Variants in PARN observed in about 807,000 individuals in gnomAD.
PARN encodes poly(A)-specific ribonuclease, also known as poly(A)-specific ribonuclease PARN.
A neutral mutation model predicts 102.8 loss-of-function variants in PARN; 71 were observed. That is an observed-to-expected ratio of 0.69 (90% confidence interval 0.57 to 0.84). The LOEUF is 0.84. PARN is among the 40% of genes least tolerant of loss of function. PARN has a pLI of 0.00. For synonymous variants in PARN, 261 were observed against 252.9 expected (o/e 1.03, Z -0.30); for missense variants, 782 against 760.9 (o/e 1.03, Z -0.33).
intron 12 of PARN, among the ~76,000 whole-genome samples, chr16:14,596,723 G>A (rs781133703): frequency 3.2e-4 from 49 of 151,976 alleles, no homozygotes; most frequent in Non-Finnish European, 4.3e-4. Context: ...GGAACAGACA[G>A]AGACTGTGTC....
intron 22 of PARN, among the ~76,000 whole-genome samples, chr16:14,469,895 A>G (rs1361459442): frequency 6.6e-6 from 1 of 152,228 alleles, no homozygotes; most frequent in Admixed American, 6.5e-5. Flanking sequence ...GGTAACAGAC[A>G]TGGAAAAAAT....
At chr16:14,536,141 AT>A (rs34575074) in intron 21 of PARN, among the ~76,000 whole-genome samples, 6 of 152,358 alleles carry the variant, frequency 3.9e-5, no homozygotes, top group African/African-American at 1.4e-4. Context: ...TATTGGTAAC[AT>A]TTTTAGTTAC....
At chr16:14,569,006 G>A (rs1025983862) in intron 18 of PARN, among the ~76,000 whole-genome samples, 51 of 151,982 alleles carry the variant, frequency 3.4e-4, no homozygotes, top group African/African-American at 1.2e-3. Flanking sequence ...GAGGCCAAGA[G>A]TTCGAGACCA....
chr16:14,553,865 G>C (rs1252437297), intron 20 of PARN, among the ~76,000 whole-genome samples, 200 bp downstream of exon 20: 1 of 152,190 alleles, frequency 6.6e-6, no homozygotes, highest in African/African-American at 2.4e-5. Context: ...GCTCTGTATT[G>C]TGAGGTGCTA....
At chr16:14,446,361 C>T (rs892122374) in intron 23 of PARN, among the ~76,000 whole-genome samples, 8 of 152,174 alleles carry the variant, frequency 5.3e-5, no homozygotes, top group African/African-American at 1.9e-4. Flanking sequence ...CTCAGGGCTA[C>T]GGTGAAAATT....
At chr16:14,514,397 A>G (rs897548143) in intron 21 of PARN, among the ~76,000 whole-genome samples, 23 of 152,090 alleles carry the variant, frequency 1.5e-4, no homozygotes, top group Non-Finnish European at 3.1e-4. Context: ...CGTGTTAGCC[A>G]GGATGATCTC....
intron 18 of PARN, among the ~76,000 whole-genome samples, chr16:14,568,862 T>C: frequency 6.6e-6 from 1 of 151,842 alleles, no homozygotes. Flanking sequence ...GCCATTGCAC[T>C]CTAGCCTGGC....
chr16:14,480,797 C>T (rs112109505), intron 22 of PARN, among the ~76,000 whole-genome samples: 9 of 151,984 alleles, frequency 5.9e-5, no homozygotes, highest in African/African-American at 1.5e-4. Context: ...AAAAATTAAC[C>T]GGGTGTGGTG....
In PARN at chr16:14,575,057, C is replaced by T. The variant is rs577218947; in HGVS notation, c.1262+5817G>A. On this transcript the variant is annotated intron_variant, in intron 18 of 23. Transcript: ENST00000437198. Reference sequence around the variant, plus strand: ...GAAGTCAAGAATTGAGGTTTGGGGACCTCTACCTAGATTTCAGAAGATGTA... The same window carrying T: ...GAAGTCAAGAATTGAGGTTTGGGGATCTCTACCTAGATTTCAGAAGATGTA... Among the ~76,000 whole-genome samples the T allele has an allele frequency of 2.6e-5, 4 of 152,320 alleles. No individual in the cohort carries two copies. The South Asian group carries it at 8.3e-4, about 32-fold the overall frequency.
intron 17 of PARN, among the ~76,000 whole-genome samples, chr16:14,581,744 A>G (rs939536501): frequency 6.6e-6 from 1 of 152,028 alleles, no homozygotes. Context: ...ACACAGCAAG[A>G]CCCTGTCTCT....
At chr16:14,521,343 C>T (rs1965721596) in intron 21 of PARN, among the ~76,000 whole-genome samples, 1 of 152,220 alleles carries the variant, frequency 6.6e-6, no homozygotes, top group African/African-American at 2.4e-5. Context: ...CTATGGCCTG[C>T]AGGTCCCTGC....
intron 21 of PARN, among the ~76,000 whole-genome samples, chr16:14,484,674 T>C (rs527642261): frequency 1.4e-4 from 21 of 152,146 alleles, no homozygotes; most frequent in Non-Finnish European, 2.6e-4. Flanking sequence ...GAAAGACAAC[T>C]GTATGAGAGG....
At chr16:14,493,609 A>G (rs1468350771) in intron 21 of PARN, among the ~76,000 whole-genome samples, 2 of 152,208 alleles carry the variant, frequency 1.3e-5, no homozygotes, top group Non-Finnish European at 2.9e-5. Context: ...CTGAAGGAAG[A>G]GTAAAGGAGG....
At chr16:14,448,793 C>G (rs1961315180) in intron 22 of PARN, among the ~76,000 whole-genome samples, 1 of 152,190 alleles carries the variant, frequency 6.6e-6, no homozygotes, top group Non-Finnish European at 1.5e-5. Flanking sequence ...GAGCACTCTT[C>G]CTCCTATGAC....
chr16:14,589,011 C>T (rs988658148), intron 13 of PARN, among the ~76,000 whole-genome samples: 5 of 151,908 alleles, frequency 3.3e-5, no homozygotes, highest in Non-Finnish European at 7.4e-5. Flanking sequence ...GAAACTCCGT[C>T]TCTACTGAAA....
chr16:14,600,095 T>G (rs1970786701), intron 11 of PARN, 135 bp from the exon 12 acceptor site: 2 of 504,548 alleles, frequency 4.0e-6, no homozygotes. Context: ...GCTTTGCGCC[T>G]ATCTTCCCAA....
intron 22 of PARN, among the ~76,000 whole-genome samples, 195 bp downstream of exon 22, chr16:14,482,443 C>A (rs1225556509): frequency 2.0e-5 from 3 of 151,880 alleles, no homozygotes; most frequent in Non-Finnish European, 4.4e-5. Flanking sequence ...GAGGGTTAAC[C>A]AAAATGGCTA....
At position 14,566,814 on chromosome 16, in the gene PARN, C is replaced by T. The variant is rs548763704; in HGVS notation, c.1263-11105G>A. 5.9e-5 allele frequency among the ~76,000 whole-genome samples: 9 copies of T among 152,346 alleles called. No individual in the cohort carries two copies. In the East Asian group the frequency reaches 1.7e-3, roughly 29 times the overall value. ...CAGCACGTGGACTGCCCCTGCAGTGCTGCAGGGCTAGCATACCAAGTACAG... is the reference window on the plus strand; with the variant it reads ...CAGCACGTGGACTGCCCCTGCAGTGTTGCAGGGCTAGCATACCAAGTACAG... On this transcript the variant is annotated intron_variant, in intron 18 of 23. Transcript: ENST00000437198.
In PARN at chr16:14,469,118, T is replaced by C. The variant is rs1962558302; in HGVS notation, c.1670+13520A>G. On this transcript the variant is annotated intron_variant, in intron 22 of 23. Transcript: ENST00000437198. ...TTCAAGACCAGCCTGGCCAACATGGTGAAACTCGGTCTCTACTAAAAATAC... is the reference window on the plus strand; with the variant it reads ...TTCAAGACCAGCCTGGCCAACATGGCGAAACTCGGTCTCTACTAAAAATAC... Among the ~76,000 whole-genome samples, 3 of 151,944 alleles carry C rather than the reference T, an allele frequency of 2.0e-5. No individual in the cohort carries two copies. The South Asian group carries it at 6.2e-4, about 32-fold the overall frequency.
Sources: allele counts gnomAD v4.1 joint callset (sites outside exome capture counted in the v4.1 genomes callset), GRCh38; gene constraint gnomAD v4.1.1; transcripts MANE v1.5; gene names NCBI Gene and HGNC (gene_info 2026-07-23, HGNC 2026-07-21).